PLCB1: variants seen among roughly 807,000 people sequenced by gnomAD.
The protein encoded by PLCB1 is phospholipase C beta 1, also known as 1-phosphatidylinositol 4,5-bisphosphate phosphodiesterase beta-1.
Under a neutral mutation model 161.8 loss-of-function variants are expected in PLCB1, and 46 were observed. The observed-to-expected ratio is 0.28, with a 90% confidence interval of 0.22 to 0.36. The LOEUF (loss-of-function observed/expected upper bound fraction) is 0.36, where lower values mean the gene tolerates loss of function less well. PLCB1 is among the 10% of genes least tolerant of loss of function. The pLI, the probability that PLCB1 is intolerant of heterozygous loss-of-function variation, is 1.00. For synonymous variants in PLCB1, 517 were observed against 503.7 expected, an observed-to-expected ratio of 1.03 and a Z score of -0.35; for missense variants, 1,016 against 1,472.5, an observed-to-expected ratio of 0.69 and a Z score of 5.07.
chr20:8,772,286 G>C lies in PLCB1; in HGVS notation c.2931-2253G>C, dbSNP rs374573106. ...TTCTTTAATATTCATCATCTCAAGTGAGCTTTCTACATAATGTGAAGAACA... is the reference window on the plus strand; with the variant it reads ...TTCTTTAATATTCATCATCTCAAGTCAGCTTTCTACATAATGTGAAGAACA... On this transcript the variant is annotated intron_variant, in intron 26 of 31. Coordinates refer to ENST00000338037, the MANE Select transcript of PLCB1 (RefSeq NM_015192.4). Among the ~76,000 whole-genome samples the C allele has an allele frequency of 1.9e-3, 291 of 152,222 alleles. 3 individuals carry two copies. Among genetic ancestry groups the C allele is most frequent in the South Asian group, 0.012 (60 of 4,824 alleles).
chr20:8,818,354 TC>T (rs1307703587), intron 31 of PLCB1, among the ~76,000 whole-genome samples: 3 of 152,154 alleles, frequency 2.0e-5, no homozygotes, highest in Non-Finnish European at 4.4e-5. Context: ...ACTGAGGGTT[TC>T]CCACCAGCAA....
intron 31 of PLCB1, among the ~76,000 whole-genome samples, chr20:8,842,744 G>T (rs145566144): frequency 6.6e-6 from 1 of 152,072 alleles, no homozygotes; most frequent in Non-Finnish European, 1.5e-5. Flanking sequence ...TGCATGCACC[G>T]GTAATCAGAA....
intron 31 of PLCB1, among the ~76,000 whole-genome samples, chr20:8,827,904 C>T (rs6118332): frequency 0.034 from 5,156 of 152,326 alleles, 303 homozygotes; most frequent in African/African-American, 0.12. Context: ...TGTGTTCACA[C>T]TACAACAGCT....
At chr20:8,457,069 T>C (rs1981347059) in intron 3 of PLCB1, among the ~76,000 whole-genome samples, 1 of 152,240 alleles carries the variant, frequency 6.6e-6, no homozygotes, top group African/African-American at 2.4e-5. Flanking sequence ...GAGGTAGTTA[T>C]ATTTTTTAAC....
intron 7 of PLCB1, among the ~76,000 whole-genome samples, chr20:8,650,995 T>G: frequency 6.6e-6 from 1 of 152,324 alleles, no homozygotes; most frequent in South Asian, 2.1e-4. Flanking sequence ...CCACCTCAAA[T>G]AAAATAATTT....
At chr20:8,177,957 C>T (rs2051800520) in intron 2 of PLCB1, among the ~76,000 whole-genome samples, 1 of 146,746 alleles carries the variant, frequency 6.8e-6, no homozygotes, top group Non-Finnish European at 1.5e-5. Context: ...GTTTGGTTTT[C>T]TGTTCCTGCG....
At chr20:8,589,238 G>C (rs1160288957) in intron 3 of PLCB1, among the ~76,000 whole-genome samples, 1 of 152,016 alleles carries the variant, frequency 6.6e-6, no homozygotes, top group Admixed American at 6.6e-5. Context: ...TTGAACACTG[G>C]GCACAGTTCT....
chr20:8,541,902 G>C (rs1985348428), intron 3 of PLCB1, among the ~76,000 whole-genome samples: 1 of 152,142 alleles, frequency 6.6e-6, no homozygotes, highest in Non-Finnish European at 1.5e-5. Context: ...ATTTGGATCA[G>C]ATAAAGAGGA....
chr20:8,197,485 C>T (rs1207240380), intron 2 of PLCB1, among the ~76,000 whole-genome samples: 8 of 152,268 alleles, frequency 5.3e-5, no homozygotes, highest in African/African-American at 1.9e-4. Context: ...TGTTCATATC[C>T]TTTGCCCACT....
intron 3 of PLCB1, among the ~76,000 whole-genome samples, chr20:8,583,091 C>T (rs530856358): frequency 6.6e-6 from 1 of 152,072 alleles, no homozygotes; most frequent in South Asian, 2.1e-4. Context: ...GTAAAGAAAG[C>T]CTGTCATAAA....
intron 3 of PLCB1, among the ~76,000 whole-genome samples, chr20:8,519,133 G>C (rs1039537136): frequency 7.9e-5 from 12 of 152,034 alleles, no homozygotes; most frequent in Non-Finnish European, 1.6e-4. Context: ...CATGGCTCAG[G>C]GGTTGGGGAC....
chr20:8,593,132 C>T (rs567556770), intron 3 of PLCB1, among the ~76,000 whole-genome samples: 2 of 152,184 alleles, frequency 1.3e-5, no homozygotes, highest in South Asian at 4.2e-4. Context: ...ATCTTTTGCC[C>T]CAACTCTCTC....
At chr20:8,189,236 T>C (rs1417556007) in intron 2 of PLCB1, among the ~76,000 whole-genome samples, 2 of 151,588 alleles carry the variant, frequency 1.3e-5, no homozygotes, top group African/African-American at 4.8e-5. Context: ...TGAATAGCTA[T>C]AGCTGCTTTT....
intron 2 of PLCB1, chr20:8,256,765 A>T (rs2123233593): frequency 6.6e-6 from 1 of 152,264 alleles, no homozygotes; most frequent in South Asian, 2.1e-4. Flanking sequence ...TCAAGTTTCC[A>T]TAAAGACCCT....
At chr20:8,679,129 C>A (rs993277130) in intron 9 of PLCB1, among the ~76,000 whole-genome samples, 12 of 152,176 alleles carry the variant, frequency 7.9e-5, no homozygotes, top group African/African-American at 1.2e-4. Context: ...TCATTGGTAA[C>A]CACCAGTAAG....
At chr20:8,136,496 G>T (rs1465770615) in intron 1 of PLCB1, among the ~76,000 whole-genome samples, 1 of 151,916 alleles carries the variant, frequency 6.6e-6, no homozygotes, top group Non-Finnish European at 1.5e-5. Flanking sequence ...CGTGGTGGCG[G>T]GCGCCTGTAG....
intron 10 of PLCB1, among the ~76,000 whole-genome samples, chr20:8,689,804 G>A (rs1302096816): frequency 1.3e-5 from 2 of 150,294 alleles, no homozygotes; most frequent in African/African-American, 4.9e-5. Context: ...ACACAGATGT[G>A]GTAAAAAATT....
At position 8,822,541 on chromosome 20, in the gene PLCB1, G is replaced by C. The variant is rs555111204; in HGVS notation, c.3423+32280G>C. On this transcript the variant is annotated intron_variant, in intron 31 of 31. Coordinates refer to ENST00000338037, the MANE Select transcript of PLCB1 (RefSeq NM_015192.4). ...AATTCTATAGTGATACCTAAAGCCA[G>C]TGTGGAGATTAAAGGATGAGACTAT... Among the ~76,000 whole-genome samples, 5 of 152,314 alleles carry C rather than the reference G, an allele frequency of 3.3e-5. No homozygotes were observed. In the South Asian group the frequency reaches 1.0e-3, roughly 32 times the overall value.
chr20:8,209,258 T>C (rs1467412521), intron 2 of PLCB1, among the ~76,000 whole-genome samples: 1 of 152,068 alleles, frequency 6.6e-6, no homozygotes, highest in Non-Finnish European at 1.5e-5. Context: ...AACCTCGGGG[T>C]TTGTCAACAA....
Sources: allele counts gnomAD v4.1 joint callset (sites outside exome capture counted in the v4.1 genomes callset), GRCh38; gene constraint gnomAD v4.1.1; transcripts MANE v1.5; gene names NCBI Gene and HGNC (gene_info 2026-07-23, HGNC 2026-07-21).